The following ANO9 variants were observed in gnomAD, a reference collection of about 807,000 sequenced individuals.
ANO9 encodes the protein anoctamin 9.
In ANO9, 80 loss-of-function variants were observed where a neutral mutation model predicts 100.5. The observed-to-expected ratio is 0.80, with a 90% CI of 0.66 to 0.96. The LOEUF (loss-of-function observed/expected upper bound fraction) is 0.96, where lower values mean the gene tolerates loss of function less well. ANO9 is among the 40% of genes least tolerant of loss of function. The probability of loss-of-function intolerance (pLI) is 0.00; values close to 1 mark genes in which losing one functional copy is unlikely to be tolerated. For synonymous variants in ANO9, 473 were observed against 435.6 expected, an observed-to-expected ratio of 1.09 and a Z score of -1.07; for missense variants, 1,064 against 1,072.7, an observed-to-expected ratio of 0.99 and a Z score of 0.11.
chr11:420,780 C>A lies in ANO9; in HGVS notation c.1571G>T (p.Arg524Leu). ...GACCGGGTTCAGAAGGTAGTTGCGC[C>A]GCCAGTCCCTGAGCTCGGGGTCCCG... ...LPRDPELRDW[R>L]RNYLLNPVNT... Residue 524 changes from arginine (R) to leucine (L), a missense_variant, in exon 18 of 23, where the codon CGG becomes CTG. Arg to Leu is a moderately radical substitution (Grantham distance 102). Coordinates refer to ENST00000332826, the MANE Select transcript of ANO9 (RefSeq NM_001012302.3). 6.2e-7 allele frequency: 1 copy of A among 1,602,026 alleles called. No individual in the cohort carries two copies. The highest frequency in any genetic ancestry group is 2.2e-5 in the East Asian group (1 of 44,576).
intron 19 of ANO9, chr11:420,089 A>C: frequency 7.7e-7 from 1 of 1,303,966 alleles, no homozygotes; most frequent in South Asian, 1.8e-5. Flanking sequence ...CCCTTTCCCC[A>C]CATCCAGCGC....
intron 3 of ANO9, 139 bp from the exon 4 acceptor site, chr11:433,598 T>C (rs1371783297): frequency 2.0e-6 from 3 of 1,466,124 alleles, no homozygotes; most frequent in Admixed American, 2.4e-5. Context: ...TCTGCCGCTG[T>C]GGCCCAGAGC....
chr11:417,955 T>A lies in ANO9; in HGVS notation c.*416A>T, dbSNP rs1847948397. On this transcript the variant is annotated 3_prime_UTR_variant, in exon 23 of 23. Coordinates refer to ENST00000332826, the MANE Select transcript of ANO9 (RefSeq NM_001012302.3). The surrounding 1 kb of genome is among the most constrained non-coding windows in gnomAD (Gnocchi z 4.2). ...GCAAGACAGACAGGCTTAATTTTAC[T>A]GCAGAAACGGGTTGGCTGAAGGGAA... The A allele has an allele frequency of 5.4e-6, 1 of 184,640 alleles. No homozygotes were observed. The highest frequency in any genetic ancestry group is 1.1e-5 in the Non-Finnish European group (1 of 89,256). 11.4% of individuals were successfully genotyped at this position (184,640 alleles called of 1,614,324 possible).
In ANO9 at chr11:421,104, G is replaced by C. The variant is rs370875168; in HGVS notation, c.1392+37C>G. ...CTGGGGGACGGTCAGGGGAGCAGTG[G>C]CTCAGGGACAGGGCATGAAGCCTGG... On this transcript the variant is annotated intron_variant, in intron 16 of 22. Coordinates refer to ENST00000332826, the MANE Select transcript of ANO9 (RefSeq NM_001012302.3). The surrounding 1 kb of genome is among the most constrained non-coding windows in gnomAD (Gnocchi z 6.8). 2.0e-5 allele frequency: 32 copies of C among 1,578,288 alleles called. No individual in the cohort carries two copies. In the African/African-American group the frequency reaches 3.8e-4, roughly 19 times the overall value.
chr11:429,333 GAC>G (rs1334255929), intron 11 of ANO9: 6 of 968,838 alleles, frequency 6.2e-6, no homozygotes, highest in Non-Finnish European at 8.9e-6. Context: ...TGGGGAGACA[GAC>G]ACAGCGACAC....
rs1412017146 is a variant in ANO9 at position 422,581 on chromosome 11, A to G, written c.1335-1383T>C. 6.6e-6 allele frequency among the ~76,000 whole-genome samples: 1 copy of G among 152,180 alleles called. No individual in the cohort carries two copies. Among genetic ancestry groups the G allele is most frequent in the Non-Finnish European group, 1.5e-5 (1 of 68,036 alleles). On this transcript the variant is annotated intron_variant, in intron 15 of 22. Transcript: ENST00000332826. The surrounding 1 kb of genome is among the most constrained non-coding windows in gnomAD (Gnocchi z 4.3). ...CTCAGCCCCACGCTGCAAGCTCTGC[A>G]GGGGGAGGAGCAGCCGTGCACCAAG...
At position 419,002 on chromosome 11, in the gene ANO9, G is replaced by T; in HGVS notation, c.1935-13C>A. ...GCCCTTGAGGCAGCTGGGGAGAGGG[G>T]AGAGGAGTGTGGGGTGGGGTGGGCT... On this transcript the variant is annotated splice_polypyrimidine_tract_variant and intron_variant, in intron 20 of 22. Coordinates refer to ENST00000332826, the MANE Select transcript of ANO9 (RefSeq NM_001012302.3). The T allele has an allele frequency of 6.2e-7, 1 of 1,609,798 alleles. No individual in the cohort carries two copies. The highest frequency in any genetic ancestry group is 8.5e-7 in the Non-Finnish European group (1 of 1,178,052).
intron 20 of ANO9, 118 bp downstream of exon 20, chr11:419,464 A>G (rs1848045796): frequency 1.4e-6 from 2 of 1,464,140 alleles, no homozygotes; most frequent in Non-Finnish European, 9.0e-7. Context: ...GCCTCACTAA[A>G]GCCCCAGGGG....
At chr11:427,907 C>T (rs746658374) in intron 15 of ANO9, among the ~76,000 whole-genome samples, 181 bp downstream of exon 15, 11 of 150,272 alleles carry the variant, frequency 7.3e-5, no homozygotes, top group South Asian at 2.1e-4. Flanking sequence ...GATGCTACCT[C>T]GGGGCCCGGG....
Position 428,776 on chromosome 11 carries a change from T to C in ANO9, c.966A>G (p.Pro322=). 1.2e-6 allele frequency: 2 copies of C among 1,613,360 alleles called. No homozygotes were observed. Among genetic ancestry groups the C allele is most frequent in the South Asian group, 1.1e-5 (1 of 91,084 alleles). ...LINCPDYKLR[P]YQHSYLRSTV... is the part of the protein sequence containing the mutation. ...TGCTGCGTAGGTAGGAGTGCTGGTA[T>C]GGCCGGAGCTTGTAGTCGGGGCAGT... The change falls in exon 12 of 23, where the codon CCA becomes CCG. Residue 322 remains proline, a synonymous_variant. Coordinates refer to ENST00000332826, the MANE Select transcript of ANO9 (RefSeq NM_001012302.3).
chr11:433,174 C>T (rs1849156964), intron 4 of ANO9, 140 bp downstream of exon 4: 1 of 1,196,870 alleles, frequency 8.4e-7, no homozygotes, highest in Non-Finnish European at 1.1e-6. Flanking sequence ...GGTCTCACAC[C>T]TGTGGCCCCT....
In ANO9 at chr11:419,619, A is replaced by G. The variant is rs1279491784; in HGVS notation, c.1897T>C (p.Tyr633His). 2 of 1,613,532 alleles carry G rather than the reference A, an allele frequency of 1.2e-6. No individual in the cohort carries two copies. Among genetic ancestry groups the G allele is most frequent in the East Asian group, 4.5e-5 (2 of 44,870 alleles). The change falls in exon 20 of 23, where the codon TAT becomes CAT. Residue 633 changes from tyrosine to histidine, a missense_variant. Coordinates refer to ENST00000332826, the MANE Select transcript of ANO9 (RefSeq NM_001012302.3). Reference protein sequence around the residue: ...FIPRVVYKYRYSPCLKEGNST... With the variant: ...FIPRVVYKYRHSPCLKEGNST... ...TTGCCTTCTTTCAGGCATGGGCTAT[A>G]GCGGTACTTGTAGACCACTCGGGGG...
intron 1 of ANO9, among the ~76,000 whole-genome samples, chr11:435,253 A>T (rs1174210021): frequency 7.7e-6 from 1 of 129,120 alleles, no homozygotes; most frequent in African/African-American, 3.1e-5. Flanking sequence ...GGTATAGTCT[A>T]GTATGGTATA....
intron 19 of ANO9, chr11:420,221 A>G: frequency 7.1e-7 from 1 of 1,413,976 alleles, no homozygotes; most frequent in Non-Finnish European, 9.2e-7. Context: ...TGGGGGCGTC[A>G]AGCCCCTCTG....
At chr11:427,348 T>C (rs950215702) in intron 15 of ANO9, among the ~76,000 whole-genome samples, 3 of 151,714 alleles carry the variant, frequency 2.0e-5, no homozygotes, top group Non-Finnish European at 2.9e-5. Flanking sequence ...AGACTCCATC[T>C]CAAAAAAAAA....
chr11:434,721 C>G (rs1432887291), intron 1 of ANO9, among the ~76,000 whole-genome samples: 1 of 152,158 alleles, frequency 6.6e-6, no homozygotes, highest in African/African-American at 2.4e-5. Flanking sequence ...GGTGAGTGCC[C>G]GCAGGCACAG....
intron 1 of ANO9, among the ~76,000 whole-genome samples, chr11:441,152 C>T (rs1845843199): frequency 1.3e-5 from 2 of 152,134 alleles, no homozygotes; most frequent in African/African-American, 4.8e-5. Flanking sequence ...CCGGCGCAGC[C>T]CACACGTGGA....
Position 418,794 on chromosome 11 carries a change from G to T in ANO9, c.2056C>A (p.Pro686Thr), listed in dbSNP as rs1395482097. The change falls in exon 22 of 23, where the codon CCC becomes ACC. Residue 686 changes from proline to threonine, a missense_variant. Coordinates refer to ENST00000332826, the MANE Select transcript of ANO9 (RefSeq NM_001012302.3). ...TGCTCGGAGAAGTTGTAATCGGGGG[G>T]ATTGCGGTAGTCCCTGTATCTGGGG... ...TLCRYRDYRNPPDYNFSEQFW... is the reference protein window; with the variant it reads ...TLCRYRDYRNTPDYNFSEQFW... The T allele has an allele frequency of 6.2e-7, 1 of 1,613,350 alleles. No homozygotes were observed. The highest frequency in any genetic ancestry group is 8.5e-7 in the Non-Finnish European group (1 of 1,180,002).
At chr11:437,413 C>A (rs958325918) in intron 1 of ANO9, among the ~76,000 whole-genome samples, 3 of 148,102 alleles carry the variant, frequency 2.0e-5, no homozygotes, top group Non-Finnish European at 3.0e-5. Context: ...GGGGGAAGTT[C>A]TTGCCCTAGT....
Sources: allele counts gnomAD v4.1 joint callset (sites outside exome capture counted in the v4.1 genomes callset), GRCh38; gene constraint gnomAD v4.1.1; non-coding constraint Gnocchi (gnomAD v3.1); transcripts MANE v1.5; gene names NCBI Gene and HGNC (gene_info 2026-07-23, HGNC 2026-07-21).